The following HOOK3 variants were observed in gnomAD, a reference collection of about 807,000 sequenced individuals.
The protein encoded by HOOK3 is hook microtubule tethering protein 3.
Under a neutral mutation model 116.3 loss-of-function variants are expected in HOOK3, and 24 were observed. The observed-to-expected ratio is 0.21, with a 90% confidence interval of 0.15 to 0.29. The LOEUF (loss-of-function observed/expected upper bound fraction) is 0.29. Among genes scored for constraint, HOOK3 ranks in the 10% least tolerant of loss-of-function variants. HOOK3 has a pLI of 1.00. For missense variants in HOOK3, 632 were observed against 830.2 expected (o/e 0.76, Z 2.93); for synonymous variants, 275 against 283.0 (o/e 0.97, Z 0.28).
chr8:42,947,012 G>A (rs1034435588), intron 5 of HOOK3, among the ~76,000 whole-genome samples: 2 of 151,868 alleles, frequency 1.3e-5, no homozygotes, highest in African/African-American at 2.4e-5. Flanking sequence ...CTCATGATCC[G>A]CCTGCCTCGG....
chr8:42,986,616 CTG>C, intron 14 of HOOK3, 37 bp from the exon 15 acceptor site: 1 of 1,528,472 alleles, frequency 6.5e-7, no homozygotes, highest in Non-Finnish European at 8.9e-7. Flanking sequence ...CACCAAATGA[CTG>C]TGTATATAAT....
At chr8:42,906,152 C>CA (rs766350098) in intron 1 of HOOK3, 21 bp from the exon 2 acceptor site, 21 of 1,101,822 alleles carry the variant, frequency 1.9e-5, no homozygotes, top group Non-Finnish European at 2.4e-5. Context: ...CTCTCCCCCC[C>CA]CCCTCTTTTT....
intron 1 of HOOK3, among the ~76,000 whole-genome samples, chr8:42,901,319 C>T (rs1408167595): frequency 6.6e-6 from 1 of 152,178 alleles, no homozygotes; most frequent in African/African-American, 2.4e-5. Flanking sequence ...GTGCAATTGT[C>T]TTTCAGTTTT....
chr8:42,943,493 T>G, intron 5 of HOOK3, 48 bp downstream of exon 5: 9 of 1,195,694 alleles, frequency 7.5e-6, no homozygotes, highest in African/African-American at 1.5e-5. Flanking sequence ...TGAAGGAAAG[T>G]AGTGTATATT....
chr8:42,994,610 G>A (rs532703597), intron 15 of HOOK3: 1 of 165,246 alleles, frequency 6.1e-6, no homozygotes, highest in East Asian at 1.8e-4. Context: ...TGTTTGTATA[G>A]TTTGTAAAAT....
At chr8:42,961,200 A>G (rs961684409) in intron 8 of HOOK3, among the ~76,000 whole-genome samples, 11 of 152,234 alleles carry the variant, frequency 7.2e-5, no homozygotes, top group African/African-American at 2.7e-4. Context: ...AACATTTGGG[A>G]CTACATTTCA....
intron 2 of HOOK3, among the ~76,000 whole-genome samples, chr8:42,921,155 T>C (rs1453937431): frequency 6.6e-6 from 1 of 151,722 alleles, no homozygotes; most frequent in Non-Finnish European, 1.5e-5. Context: ...TCTTGGACAT[T>C]TTAAAGTTTT....
intron 2 of HOOK3, among the ~76,000 whole-genome samples, chr8:42,916,347 TC>T: frequency 6.6e-6 from 1 of 152,354 alleles, no homozygotes; most frequent in Middle Eastern, 3.4e-3. Context: ...ACTGTTGTTT[TC>T]CGTCAACATT....
chr8:42,923,399 A>G (rs777486531), intron 2 of HOOK3, among the ~76,000 whole-genome samples: 1 of 152,240 alleles, frequency 6.6e-6, no homozygotes, highest in Non-Finnish European at 1.5e-5. Flanking sequence ...TAATGGCCCC[A>G]AAGTGGAAAT....
At chr8:42,897,847 C>T (rs1807063981) in intron 1 of HOOK3, among the ~76,000 whole-genome samples, 1 of 152,260 alleles carries the variant, frequency 6.6e-6, no homozygotes, top group African/African-American at 2.4e-5. Context: ...ACGTCAGCTG[C>T]CGCGCCTTCC....
intron 5 of HOOK3, among the ~76,000 whole-genome samples, chr8:42,943,991 A>G (rs893047812): frequency 1.3e-5 from 2 of 152,236 alleles, no homozygotes; most frequent in African/African-American, 4.8e-5. Context: ...TCTGGCAGAT[A>G]CTTTTCCTTA....
rs1322696121 is a variant in HOOK3 at position 42,933,957 on chromosome 8, T to G, written c.267+3785T>G. 3.3e-5 allele frequency among the ~76,000 whole-genome samples: 5 copies of G among 152,276 alleles called. No homozygotes were observed. The East Asian group carries it at 9.6e-4, about 29-fold the overall frequency. On this transcript the variant is annotated intron_variant, in intron 4 of 21. Coordinates refer to ENST00000307602, the MANE Select transcript of HOOK3 (RefSeq NM_032410.4). ...TGAGAAGGAGTTTTTTTGTTGTTCT[T>G]TTCTTTTGTTTTATTGCGCTTGGCA...
intron 15 of HOOK3, 45 bp downstream of exon 15, chr8:42,986,840 T>C: frequency 6.3e-7 from 1 of 1,587,478 alleles, no homozygotes; most frequent in East Asian, 2.3e-5. Context: ...GTTTTCCCTA[T>C]TTGCCTTGAT....
intron 13 of HOOK3, among the ~76,000 whole-genome samples, chr8:42,974,696 G>GA (rs1253603564): frequency 2.0e-5 from 3 of 152,196 alleles, no homozygotes; most frequent in Non-Finnish European, 4.4e-5. Flanking sequence ...ATGGTGGTCC[G>GA]AACCCTTAGT....
At chr8:42,932,496 C>T (rs1306393702) in intron 4 of HOOK3, among the ~76,000 whole-genome samples, 2 of 152,200 alleles carry the variant, frequency 1.3e-5, no homozygotes, top group African/African-American at 4.8e-5. Flanking sequence ...CCATTATCCT[C>T]GTCTCATACA....
At chr8:42,928,866 A>T (rs1157756294) in intron 3 of HOOK3, among the ~76,000 whole-genome samples, 1 of 152,002 alleles carries the variant, frequency 6.6e-6, no homozygotes, top group Non-Finnish European at 1.5e-5. Context: ...ACATGGTGAA[A>T]CCCCGTCTCT....
At chr8:42,955,889 G>C (rs897598248) in intron 6 of HOOK3, among the ~76,000 whole-genome samples, 2 of 152,076 alleles carry the variant, frequency 1.3e-5, no homozygotes, top group African/African-American at 4.8e-5. Flanking sequence ...TAAGAGATGT[G>C]GTCTTGTTAC....
At chr8:42,909,770 A>G (rs959514147) in intron 2 of HOOK3, among the ~76,000 whole-genome samples, 2 of 152,146 alleles carry the variant, frequency 1.3e-5, no homozygotes, top group Non-Finnish European at 2.9e-5. Context: ...CATGTCCCCA[A>G]AGAAGGAAAT....
intron 3 of HOOK3, among the ~76,000 whole-genome samples, chr8:42,928,237 C>T (rs1166552392): frequency 2.6e-5 from 4 of 151,918 alleles, no homozygotes; most frequent in African/African-American, 7.3e-5. Flanking sequence ...CAAGATGGCG[C>T]CACTGCACTC....
Sources: gnomAD v4.1 joint callset for allele counts (sites outside exome capture counted in the v4.1 genomes callset) on GRCh38, gnomAD v4.1.1 for gene constraint, MANE v1.5 for transcripts, NCBI Gene and HGNC (gene_info 2026-07-23, HGNC 2026-07-21) for gene names.